The following WDR7 variants were observed in gnomAD, a reference collection of about 807,000 sequenced individuals.
WDR7 encodes WD repeat domain 7.
WDR7 carries 46 observed loss-of-function variants against 169.4 expected under a neutral mutation model. The ratio of observed to expected loss-of-function variants is 0.27; its 90% CI spans 0.21 to 0.35. The LOEUF is 0.35. Ranked by LOEUF, WDR7 falls within the 10% of genes least tolerant of loss-of-function variation. WDR7 has a pLI of 1.00. For synonymous variants in WDR7, 612 were observed against 666.8 expected (o/e 0.92, Z 1.27); for missense variants, 1,534 against 1,859.3 (o/e 0.83, Z 3.22).
intron 16 of WDR7, among the ~76,000 whole-genome samples, chr18:56,764,507 C>A (rs1045475300): frequency 6.6e-6 from 1 of 152,112 alleles, no homozygotes; most frequent in African/African-American, 2.4e-5. Flanking sequence ...AGCTAATTAA[C>A]ATATCTATGA....
rs187088259 is a variant in WDR7 at position 56,868,826 on chromosome 18, T to C, written c.3305-11118T>C. 6.6e-3 allele frequency among the ~76,000 whole-genome samples: 1,010 copies of C among 152,216 alleles called. 47 individuals are homozygous for C. Among genetic ancestry groups the C allele is most frequent in the Admixed American group, 0.062 (951 of 15,278 alleles). ...TCAGATTCACCTTTGAAAGGTCAAT[T>C]GAAGCAAAAAAGTTAGACGTTTTTG... On this transcript the variant is annotated intron_variant, in intron 20 of 27. Transcript: ENST00000254442.
intron 26 of WDR7, among the ~76,000 whole-genome samples, chr18:57,011,319 G>C (rs539664792): frequency 6.7e-6 from 1 of 149,918 alleles, no homozygotes; most frequent in Non-Finnish European, 1.5e-5. Flanking sequence ...TGACATATAC[G>C]TAACTTTTAG....
At chr18:56,679,514 A>AT (rs11452823) in intron 3 of WDR7, 76 bp downstream of exon 3, 406,957 of 546,708 alleles carry the variant, frequency 0.74, 136,945 homozygotes, top group Middle Eastern at 0.83. Flanking sequence ...GTAGCGAGGT[A>AT]TTTTTTTTTT....
At chr18:56,725,759 G>A (rs1217874896) in intron 13 of WDR7, among the ~76,000 whole-genome samples, 3 of 152,116 alleles carry the variant, frequency 2.0e-5, no homozygotes, top group African/African-American at 7.2e-5. Flanking sequence ...TATTGCCTAG[G>A]TTTTCTTCTA....
At chr18:56,838,248 A>G (rs2045426396) in intron 20 of WDR7, among the ~76,000 whole-genome samples, 1 of 152,078 alleles carries the variant, frequency 6.6e-6, no homozygotes, top group Non-Finnish European at 1.5e-5. Context: ...ACCTGAAAGT[A>G]TGTTCTTTGA....
chr18:56,944,543 T>C (rs990614189), intron 25 of WDR7, among the ~76,000 whole-genome samples: 2 of 152,208 alleles, frequency 1.3e-5, no homozygotes, highest in African/African-American at 4.8e-5. Flanking sequence ...GATAACTTTC[T>C]TCAAAACATA....
intron 21 of WDR7, among the ~76,000 whole-genome samples, chr18:56,920,397 T>C (rs1445882437): frequency 2.0e-5 from 3 of 152,242 alleles, no homozygotes; most frequent in Non-Finnish European, 2.9e-5. Context: ...TTGCTCCTGT[T>C]TCCTGAATTG....
intron 12 of WDR7, among the ~76,000 whole-genome samples, chr18:56,707,262 C>T: frequency 6.6e-6 from 1 of 152,206 alleles, no homozygotes; most frequent in East Asian, 1.9e-4. Context: ...GGATTACAGG[C>T]ATGAGCTACC....
At chr18:56,920,475 T>TAG in intron 21 of WDR7, among the ~76,000 whole-genome samples, 1 of 152,334 alleles carries the variant, frequency 6.6e-6, no homozygotes, top group Non-Finnish European at 1.5e-5. Context: ...TAGTAGAGTA[T>TAG]AGCAATTTGC....
At chr18:56,712,200 A>G (rs1376719263) in intron 12 of WDR7, among the ~76,000 whole-genome samples, 1 of 152,204 alleles carries the variant, frequency 6.6e-6, no homozygotes, top group Non-Finnish European at 1.5e-5. Context: ...GGATGGGATA[A>G]ACTAGCTGTC....
chr18:56,950,651 A>T (rs2047168547), intron 25 of WDR7, among the ~76,000 whole-genome samples: 2 of 152,196 alleles, frequency 1.3e-5, no homozygotes, highest in African/African-American at 4.8e-5. Flanking sequence ...ACAATCCAGT[A>T]CCTGGAGAGA....
In WDR7 at chr18:56,939,294, G is replaced by T. The variant is rs771197692; in HGVS notation, c.3982-17G>T. The T allele has an allele frequency of 4.7e-6, 7 of 1,495,170 alleles. No individual in the cohort carries two copies. Among genetic ancestry groups the T allele is most frequent in the African/African-American group, 4.3e-5 (3 of 70,136 alleles). The allele number at this position is 1,495,170 out of a possible 1,614,324, so 92.6% of individuals were successfully genotyped here. A position where few individuals can be genotyped will look rare whatever the true frequency, so the allele number is the denominator to read the frequency against. The stretch of plus-strand genomic sequence containing the variant: ...AGTATTTGAAATTAATTTTAAATCT[G>T]TTCTTTTCTGTCAAAGGTTATGGAC... On this transcript the variant is annotated splice_polypyrimidine_tract_variant and intron_variant, in intron 24 of 27. Coordinates refer to ENST00000254442, the MANE Select transcript of WDR7 (RefSeq NM_015285.3).
At chr18:56,766,538 G>A (rs1410451442) in intron 16 of WDR7, among the ~76,000 whole-genome samples, 1 of 152,024 alleles carries the variant, frequency 6.6e-6, no homozygotes, top group Non-Finnish European at 1.5e-5. Context: ...GTCCCATCCA[G>A]TGCACTTTAA....
chr18:56,763,173 A>G (rs934924894), intron 16 of WDR7, among the ~76,000 whole-genome samples: 28 of 151,866 alleles, frequency 1.8e-4, no homozygotes, highest in African/African-American at 6.3e-4. Context: ...GTTAGCCAGG[A>G]TGGTCTTGAG....
chr18:56,979,024 T>C (rs75587912), intron 26 of WDR7, among the ~76,000 whole-genome samples: 5,699 of 152,226 alleles, frequency 0.037, 128 homozygotes, highest in Non-Finnish European at 0.053. Context: ...AAATGGAACT[T>C]TAAGATGAGT....
chr18:57,033,091 T>C (rs1471806908), downstream of WDR7: 1 of 152,026 alleles, frequency 6.6e-6, no homozygotes, highest in Non-Finnish European at 1.5e-5. Context: ...CCTTAGAATA[T>C]GCCAAGCGTA....
intron 23 of WDR7, among the ~76,000 whole-genome samples, chr18:56,936,488 T>C (rs912673199): frequency 3.9e-5 from 6 of 152,352 alleles, no homozygotes; most frequent in African/African-American, 1.4e-4. Context: ...AAGGAAAGGA[T>C]GATCAGCTCT....
In WDR7 at chr18:57,004,835, G is replaced by A. The variant is rs538990579; in HGVS notation, c.4165-15910G>A. ...TGAGCCCATTATGACATTGAGTTCT[G>A]AGTTTTTCATAGCTGGAACAGGAAG... On this transcript the variant is annotated intron_variant, in intron 26 of 27. Coordinates refer to ENST00000254442, the MANE Select transcript of WDR7 (RefSeq NM_015285.3). Among the ~76,000 whole-genome samples, 6 of 152,218 alleles carry A rather than the reference G, an allele frequency of 3.9e-5. No homozygotes were observed. The East Asian group carries it at 9.7e-4, about 25-fold the overall frequency.
At chr18:56,965,980 C>T (rs542643083) in intron 26 of WDR7, among the ~76,000 whole-genome samples, 29 of 152,188 alleles carry the variant, frequency 1.9e-4, no homozygotes, top group Non-Finnish European at 2.6e-4. Flanking sequence ...TTTGTAAAAT[C>T]GTAACAGAAA....
Sources: gnomAD v4.1 joint callset for allele counts (sites outside exome capture counted in the v4.1 genomes callset) on GRCh38, gnomAD v4.1.1 for gene constraint, MANE v1.5 for transcripts, NCBI Gene and HGNC (gene_info 2026-07-23, HGNC 2026-07-21) for gene names.